Variants in MARCHF1 observed in about 807,000 individuals in gnomAD.
MARCHF1 encodes E3 ubiquitin-protein ligase MARCHF1.
A neutral mutation model predicts 54.2 loss-of-function variants in MARCHF1; 40 were observed. The observed-to-expected ratio is 0.74, with a 90% CI of 0.57 to 0.96. The LOEUF is 0.96. Among genes scored for constraint, MARCHF1 ranks in the 40% least tolerant of loss-of-function variants. The pLI is 0.00. For synonymous variants in MARCHF1, 236 were observed against 236.3 expected, an observed-to-expected ratio of 1.00 and a Z score of 0.01; for missense variants, 586 against 656.5, an observed-to-expected ratio of 0.89 and a Z score of 1.17.
chr4:163,746,674 C>T (rs1427179402), intron 4 of MARCHF1, among the ~76,000 whole-genome samples: 3 of 152,138 alleles, frequency 2.0e-5, no homozygotes, highest in Non-Finnish European at 4.4e-5. Flanking sequence ...TTTCCCATGC[C>T]TCCATTTTCT....
At chr4:163,911,986 G>T (rs1413187700) in intron 3 of MARCHF1, among the ~76,000 whole-genome samples, 1 of 151,996 alleles carries the variant, frequency 6.6e-6, no homozygotes, top group East Asian at 1.9e-4. Flanking sequence ...AATCAAGAGA[G>T]ATATTTCTTC....
chr4:164,328,324 A>T (rs1406040100), intron 1 of MARCHF1, among the ~76,000 whole-genome samples: 1 of 152,190 alleles, frequency 6.6e-6, no homozygotes, highest in Non-Finnish European at 1.5e-5. Flanking sequence ...GATTTTATTT[A>T]TACAGTTCTA....
At chr4:164,299,044 C>A (rs556363366) in intron 1 of MARCHF1, among the ~76,000 whole-genome samples, 2 of 152,218 alleles carry the variant, frequency 1.3e-5, no homozygotes, top group East Asian at 3.9e-4. Flanking sequence ...TTAAAGTATG[C>A]AGTCATACTA....
At chr4:163,729,621 T>C (rs965824349) in intron 4 of MARCHF1, among the ~76,000 whole-genome samples, 6 of 152,152 alleles carry the variant, frequency 3.9e-5, no homozygotes, top group African/African-American at 1.4e-4. Context: ...TCATCAAGGT[T>C]ATCAAGTTTG....
At chr4:163,821,351 A>G (rs1748687469) in intron 4 of MARCHF1, among the ~76,000 whole-genome samples, 1 of 151,940 alleles carries the variant, frequency 6.6e-6, no homozygotes, top group Admixed American at 6.6e-5. Context: ...TATTTAATGA[A>G]TGGCCATCTC....
intron 4 of MARCHF1, among the ~76,000 whole-genome samples, chr4:163,786,424 CTCTT>C (rs1431779434): frequency 1.3e-5 from 2 of 151,840 alleles, no homozygotes; most frequent in African/African-American, 4.8e-5. Flanking sequence ...TTTTTTCTCA[CTCTT>C]TCTCCCTCTA....
intron 1 of MARCHF1, among the ~76,000 whole-genome samples, chr4:164,317,689 A>G (rs1735035632): frequency 1.3e-5 from 2 of 152,148 alleles, no homozygotes; most frequent in Admixed American, 1.3e-4. Flanking sequence ...GTATTGGGAG[A>G]CAACTAGCCA....
intron 9 of MARCHF1, among the ~76,000 whole-genome samples, chr4:163,532,094 T>C (rs1160264395): frequency 6.6e-6 from 1 of 151,862 alleles, no homozygotes; most frequent in Non-Finnish European, 1.5e-5. Flanking sequence ...ATTGACAAAC[T>C]GATTCTAAAG....
chr4:163,801,517 A>AT (rs770220590), intron 4 of MARCHF1, among the ~76,000 whole-genome samples: 14 of 152,092 alleles, frequency 9.2e-5, no homozygotes, highest in Non-Finnish European at 1.5e-4. Context: ...CCACACAGTG[A>AT]TTTTTTACTT....
chr4:163,877,917 TG>T (rs1367559615), intron 3 of MARCHF1, among the ~76,000 whole-genome samples: 2 of 152,240 alleles, frequency 1.3e-5, no homozygotes, highest in East Asian at 3.9e-4. Flanking sequence ...GGCCTTTATG[TG>T]GGGGTGAAAG....
At chr4:163,949,350 C>T (rs1752085290) in intron 3 of MARCHF1, among the ~76,000 whole-genome samples, 1 of 152,150 alleles carries the variant, frequency 6.6e-6, no homozygotes, top group Non-Finnish European at 1.5e-5. Context: ...TTGGAGATGA[C>T]AGGAACTGCA....
chr4:163,727,206 TA>T (rs565679483), intron 4 of MARCHF1, among the ~76,000 whole-genome samples: 5 of 152,226 alleles, frequency 3.3e-5, no homozygotes, highest in African/African-American at 4.8e-5. Context: ...AATTATCCTG[TA>T]AAAAATAATT....
chr4:163,618,159 T>C (rs1741573915), intron 5 of MARCHF1, among the ~76,000 whole-genome samples: 1 of 152,186 alleles, frequency 6.6e-6, no homozygotes, highest in South Asian at 2.1e-4. Context: ...CATTTGTACA[T>C]GTTCCGCTTG....
chr4:163,794,086 G>T (rs1174110663), intron 4 of MARCHF1, among the ~76,000 whole-genome samples: 1 of 152,080 alleles, frequency 6.6e-6, no homozygotes, highest in Non-Finnish European at 1.5e-5. Flanking sequence ...TTGAGAATAG[G>T]CTCTGTGAGG....
intron 4 of MARCHF1, among the ~76,000 whole-genome samples, chr4:163,745,469 C>A (rs140743183): frequency 0.014 from 2,194 of 152,152 alleles, 35 homozygotes; most frequent in Non-Finnish European, 0.021. Context: ...CCCGCTGATA[C>A]AAATACACAA....
At chr4:163,987,461 A>T (rs9997416) in intron 3 of MARCHF1, among the ~76,000 whole-genome samples, 17,445 of 152,186 alleles carry the variant, frequency 0.11, 2,290 homozygotes, top group East Asian at 0.34. Flanking sequence ...CAAATTTATT[A>T]GTCTTTTCCT....
intron 5 of MARCHF1, among the ~76,000 whole-genome samples, chr4:163,620,647 A>ATG (rs1560978870): frequency 6.3e-5 from 9 of 143,948 alleles, no homozygotes; most frequent in African/African-American, 1.3e-4. Context: ...AGAGAGAGAG[A>ATG]CACGCACACA....
chr4:163,526,797 TAACA>T lies in MARCHF1; in HGVS notation c.*1947_*1950del, dbSNP rs1426605986. The stretch of plus-strand genomic sequence containing the variant: ...CCTTTTGTTTCCTGACTGAATACCT[TAACA>T]TTTTCCCCGCATATATACATGACTA... On this transcript the variant is annotated 3_prime_UTR_variant, in exon 10 of 10. Transcript: ENST00000514618. The T allele has an allele frequency of 6.6e-6, 1 of 151,914 alleles. No individual in the cohort carries two copies. The highest frequency in any genetic ancestry group is 1.5e-5 in the Non-Finnish European group (1 of 67,874). 9.4% of individuals were successfully genotyped at this position (151,914 alleles called of 1,614,324 possible).
In MARCHF1 at chr4:164,111,412, T is replaced by A. The variant is rs556605019; in HGVS notation, c.-248+176A>T. Among the ~76,000 whole-genome samples the A allele has an allele frequency of 1.4e-4, 22 of 151,808 alleles. No individual in the cohort carries two copies. In the East Asian group the frequency reaches 4.2e-3, roughly 29 times the overall value. Reference sequence around the variant, plus strand: ...AGTTAATCTAAGAAAGAAATGCCTTTTCATTATTCATTGAGACCAAATAAA... The same window carrying A: ...AGTTAATCTAAGAAAGAAATGCCTTATCATTATTCATTGAGACCAAATAAA... On this transcript the variant is annotated intron_variant, in intron 2 of 9. Coordinates refer to ENST00000514618, the MANE Select transcript of MARCHF1 (RefSeq NM_001394959.1).
Sources: allele counts gnomAD v4.1 joint callset (sites outside exome capture counted in the v4.1 genomes callset), GRCh38; gene constraint gnomAD v4.1.1; transcripts MANE v1.5; gene names NCBI Gene and HGNC (gene_info 2026-07-23, HGNC 2026-07-21).